The following ZBTB16 variants were observed in gnomAD, a reference collection of about 807,000 sequenced individuals.
The protein encoded by ZBTB16 is zinc finger and BTB domain-containing protein 16.
A neutral mutation model predicts 56.8 loss-of-function variants in ZBTB16; 8 were observed. That is an observed-to-expected ratio of 0.14 (90% CI 0.08 to 0.25). The LOEUF is 0.25. Ranked by LOEUF, ZBTB16 falls within the 10% of genes least tolerant of loss-of-function variation. The pLI is 1.00. For missense variants in ZBTB16, 625 were observed against 903.0 expected (o/e 0.69, Z 3.95); for synonymous variants, 363 against 368.5 (o/e 0.98, Z 0.17).
chr11:114,110,868 C>T (rs955416426), intron 2 of ZBTB16, among the ~76,000 whole-genome samples: 7 of 152,162 alleles, frequency 4.6e-5, no homozygotes, highest in Non-Finnish European at 4.4e-5. Context: ...AAACTGAATT[C>T]TGTGATCTTG....
At chr11:114,216,741 T>C (rs1163065593) in intron 4 of ZBTB16, among the ~76,000 whole-genome samples, 1 of 152,198 alleles carries the variant, frequency 6.6e-6, no homozygotes, top group African/African-American at 2.4e-5. Flanking sequence ...AGATCCCCTA[T>C]TCCCTATCAT....
At position 114,105,244 on chromosome 11, in the gene ZBTB16, C is replaced by CTCT. The variant is rs1555135687; in HGVS notation, c.1268+40677_1268+40678insCTT. Reference sequence around the variant, plus strand: ...ATTAATTCTGTCTCTCTCTCTCTCTCTTTTTTTTTTTTGAGACGTGGAGTC... The same window carrying CTCT: ...ATTAATTCTGTCTCTCTCTCTCTCTCTCTTTTTTTTTTTTTGAGACGTGGAGTC... On this transcript the variant is annotated intron_variant, in intron 2 of 6. Coordinates refer to ENST00000335953, the MANE Select transcript of ZBTB16 (RefSeq NM_006006.6). Among the ~76,000 whole-genome samples, 938 of 145,894 alleles carry CTCT rather than the reference C, an allele frequency of 6.4e-3. 4 individuals are homozygous for CTCT. Among genetic ancestry groups the CTCT allele is most frequent in the African/African-American group, 0.022 (860 of 39,544 alleles).
At chr11:114,098,327 C>CTA (rs941307700) in intron 2 of ZBTB16, among the ~76,000 whole-genome samples, 77 of 152,142 alleles carry the variant, frequency 5.1e-4, no homozygotes, top group African/African-American at 1.6e-3. Context: ...TAGGGGCGCA[C>CTA]TATATATATA....
At chr11:114,073,094 T>C (rs1939410701) in intron 2 of ZBTB16, among the ~76,000 whole-genome samples, 1 of 150,140 alleles carries the variant, frequency 6.7e-6, no homozygotes, top group African/African-American at 2.4e-5. Context: ...CCAGGATTTA[T>C]GTTCAGGTCT....
chr11:114,151,031 G>T (rs1942266213), intron 2 of ZBTB16, among the ~76,000 whole-genome samples: 1 of 152,152 alleles, frequency 6.6e-6, no homozygotes, highest in Non-Finnish European at 1.5e-5. Flanking sequence ...GGAGAAGAGA[G>T]GATCATTTAG....
intron 4 of ZBTB16, among the ~76,000 whole-genome samples, chr11:114,222,091 C>T (rs1360512357): frequency 3.3e-5 from 5 of 152,102 alleles, no homozygotes. Context: ...TTGGTGGAAG[C>T]ATCTTTTGAA....
rs1431594179 is a variant in ZBTB16 at position 114,204,436 on chromosome 11, G to A, written c.1453+17398G>A. On this transcript the variant is annotated intron_variant, in intron 4 of 6. Transcript: ENST00000335953. ...ATTACAGGTGTGAGCCACCACACCC[G>A]GTCTCATTTTTCTTTTATTCACAAA... is the stretch of plus-strand genomic sequence containing the variant. Among the ~76,000 whole-genome samples, 5 of 152,054 alleles carry A rather than the reference G, an allele frequency of 3.3e-5. No homozygotes were observed. The South Asian group carries it at 8.3e-4, about 25-fold the overall frequency.
At chr11:114,230,640 GGC>G (rs1458342781) in intron 4 of ZBTB16, among the ~76,000 whole-genome samples, 2 of 122,304 alleles carry the variant, frequency 1.6e-5, no homozygotes, top group South Asian at 2.8e-4. Flanking sequence ...GTGGGGGGGG[GGC>G]GGGAAGGAGA....
At chr11:114,249,487 C>T (rs1435639468) in intron 6 of ZBTB16, among the ~76,000 whole-genome samples, 12 of 133,520 alleles carry the variant, frequency 9.0e-5, no homozygotes, top group South Asian at 2.4e-4. Context: ...AAAAAAAGGC[C>T]GGGCGCGGTG....
At chr11:114,196,159 C>T (rs1028108266) in intron 4 of ZBTB16, among the ~76,000 whole-genome samples, 1 of 152,174 alleles carries the variant, frequency 6.6e-6, no homozygotes, top group Non-Finnish European at 1.5e-5. Context: ...CCAGACAGGC[C>T]GCAAAACTGG....
intron 2 of ZBTB16, among the ~76,000 whole-genome samples, chr11:114,141,585 G>A (rs1941946502): frequency 6.6e-6 from 1 of 152,214 alleles, no homozygotes; most frequent in Admixed American, 6.5e-5. Context: ...ACCTTCGCAG[G>A]TAACAGTATT....
In ZBTB16 at chr11:114,247,296, G is replaced by A. The variant is rs145635689; in HGVS notation, c.1723G>A (p.Glu575Lys). 6.2e-6 allele frequency: 10 copies of A among 1,614,134 alleles called. No homozygotes were observed. The highest frequency in any genetic ancestry group is 8.5e-6 in the Non-Finnish European group (10 of 1,180,060). Residue 575 changes from glutamate (E) to lysine (K), a missense_variant, in exon 6 of 7, where the codon GAG becomes AAG. Physicochemically the swap from Glu to Lys is moderately conservative, Grantham distance 56. Around this residue, in one of 6 missense-constraint regions of ZBTB16, gnomAD observed 7 missense variants for 25.1 expected, o/e 0.28. Transcript: ENST00000335953. ...CATCCACACGGGTGAGAAACCCTAC[G>A]AGTGCAATGGCTGTGGCAAGAAGTT... ...KRIHTGEKPY[E>K]CNGCGKKFSL...
intron 2 of ZBTB16, among the ~76,000 whole-genome samples, chr11:114,120,204 T>C (rs545415935): frequency 6.6e-6 from 1 of 152,266 alleles, no homozygotes; most frequent in African/African-American, 2.4e-5. Context: ...TATCTTTCCA[T>C]ACCTTCCCAG....
At chr11:114,229,266 C>CT (rs1484130948) in intron 4 of ZBTB16, among the ~76,000 whole-genome samples, 1 of 152,198 alleles carries the variant, frequency 6.6e-6, no homozygotes, top group Non-Finnish European at 1.5e-5. Context: ...CAATGAAGCA[C>CT]TGGAGTAGCT....
Position 114,064,083 on chromosome 11 carries a change from G to T in ZBTB16, c.783G>T (p.Glu261Asp). ...VPSQDSPGAA[E>D]SSISGGMGDK... ...GCCAGGACAGCCCTGGGGCAGCCGAGTCCAGCATCTCAGGAGGGATGGGGG... is the reference window on the plus strand; with the variant it reads ...GCCAGGACAGCCCTGGGGCAGCCGATTCCAGCATCTCAGGAGGGATGGGGG... The change falls in exon 2 of 7, where the codon GAG (glutamate) becomes GAT (aspartate). Residue 261 changes from glutamate to aspartate, a missense_variant. By Grantham distance (45) the Glu-to-Asp change is conservative (BLOSUM62 2). This residue lies in a region of ZBTB16 where 384 missense variants were observed against 393.5 expected (regional missense o/e 0.98). Coordinates refer to ENST00000335953, the MANE Select transcript of ZBTB16 (RefSeq NM_006006.6). This position sits in a 1 kb window ranked among gnomAD's most constrained non-coding sequence, Gnocchi z 4.2. 1.2e-6 allele frequency: 2 copies of T among 1,613,870 alleles called. No homozygotes were observed. The highest frequency in any genetic ancestry group is 1.1e-5 in the South Asian group (1 of 91,078).
chr11:114,147,291 G>A (rs577890365), intron 2 of ZBTB16, among the ~76,000 whole-genome samples: 1 of 152,320 alleles, frequency 6.6e-6, no homozygotes, highest in East Asian at 1.9e-4. Context: ...CCTGGCTAGA[G>A]TGGAAACATA....
chr11:114,173,035 A>G (rs1358913018), intron 3 of ZBTB16, among the ~76,000 whole-genome samples: 3 of 152,198 alleles, frequency 2.0e-5, no homozygotes, highest in African/African-American at 4.8e-5. Context: ...TGCAGGGGGT[A>G]AGGAAGCCAG....
chr11:114,177,732 A>G (rs924125872), intron 3 of ZBTB16, among the ~76,000 whole-genome samples: 15 of 152,210 alleles, frequency 9.9e-5, no homozygotes, highest in African/African-American at 3.4e-4. Context: ...AGAAGTTGCC[A>G]GGAGAAGAAA....
chr11:114,215,453 G>A (rs1944076617), intron 4 of ZBTB16, among the ~76,000 whole-genome samples: 1 of 152,204 alleles, frequency 6.6e-6, no homozygotes, highest in Admixed American at 6.5e-5. Flanking sequence ...TCCAAAAAGG[G>A]GAAGGGAAAG....
Sources: gnomAD v4.1 joint callset for allele counts (sites outside exome capture counted in the v4.1 genomes callset) on GRCh38, gnomAD v4.1.1 for gene constraint, gnomAD v4.1.1 regional missense constraint, Gnocchi (gnomAD v3.1) non-coding constraint, MANE v1.5 for transcripts, NCBI Gene and HGNC (gene_info 2026-07-23, HGNC 2026-07-21) for gene names.